Variants in MYO16 observed in about 807,000 individuals in gnomAD.
MYO16 encodes the protein myosin XVI, also known as unconventional myosin-XVI.
Under a neutral mutation model 205.3 loss-of-function variants are expected in MYO16, and 94 were observed. The observed-to-expected ratio is 0.46, with a 90% CI of 0.39 to 0.54. The LOEUF (loss-of-function observed/expected upper bound fraction) is 0.54. Ranked by LOEUF, MYO16 falls within the 20% of genes least tolerant of loss-of-function variation. The pLI is 0.00. For synonymous variants in MYO16, 988 were observed against 954.0 expected (o/e 1.04, Z -0.66); for missense variants, 2,315 against 2,387.5 (o/e 0.97, Z 0.63).
At chr13:108,765,299 AT>A (rs1201275800) in intron 4 of MYO16, among the ~76,000 whole-genome samples, 3 of 152,082 alleles carry the variant, frequency 2.0e-5, no homozygotes, top group African/African-American at 7.2e-5. Context: ...TTTTATATAC[AT>A]TTTTACTACT....
the MYO16 span, among the ~76,000 whole-genome samples, chr13:108,504,166 G>A: frequency 6.6e-6 from 1 of 152,196 alleles, no homozygotes; most frequent in East Asian, 1.9e-4. Context: ...CTATCACCCA[G>A]ACTGGAGTGC....
intron 6 of MYO16, among the ~76,000 whole-genome samples, chr13:108,794,196 G>A (rs1886710337): frequency 7.9e-6 from 1 of 126,634 alleles, no homozygotes; most frequent in African/African-American, 2.9e-5. Flanking sequence ...TGGGAGGAGG[G>A]TGAGAATGAC....
chr13:108,833,752 A>G (rs1230127423), intron 9 of MYO16, among the ~76,000 whole-genome samples: 1 of 152,208 alleles, frequency 6.6e-6, no homozygotes, highest in Non-Finnish European at 1.5e-5. Flanking sequence ...CAAAATAAGT[A>G]AGTCTGGCAT....
At chr13:108,855,740 A>T (rs1249167923) in intron 11 of MYO16, among the ~76,000 whole-genome samples, 187 bp downstream of exon 11, 2 of 152,234 alleles carry the variant, frequency 1.3e-5, no homozygotes, top group Admixed American at 1.3e-4. Context: ...AATTCAGCAC[A>T]GTTCCAAATT....
chr13:108,991,214 A>G (rs1329696851), intron 20 of MYO16, among the ~76,000 whole-genome samples: 2 of 152,090 alleles, frequency 1.3e-5, no homozygotes, highest in East Asian at 1.9e-4. Context: ...CCTGCCTTCC[A>G]TGTAACCCTC....
chr13:108,639,764 C>A (rs1880418065), intron 1 of MYO16, among the ~76,000 whole-genome samples: 1 of 152,176 alleles, frequency 6.6e-6, no homozygotes, highest in Admixed American at 6.5e-5. Flanking sequence ...TAGGATGACC[C>A]ACATGGGTGA....
In MYO16 at chr13:109,024,060, ATATT is replaced by A. The variant is rs1388983707; in HGVS notation, c.2796+4156_2796+4159del. Among the ~76,000 whole-genome samples, 12 of 144,796 alleles carry A rather than the reference ATATT, an allele frequency of 8.3e-5. No homozygotes were observed. In the South Asian group the frequency reaches 1.1e-3, roughly 13 times the overall value. The allele number at this position is 144,796 out of a possible 152,430, so 95.0% of individuals were successfully genotyped here. A position where few individuals can be genotyped will look rare whatever the true frequency, so the allele number is the denominator to read the frequency against. Reference sequence around the variant, plus strand: ...TTTATATTTATATATAAATTCTCATATATTTATTTAAATATAAATTTATATACAT... The same window carrying A: ...TTTATATTTATATATAAATTCTCATATATTTAAATATAAATTTATATACAT... On this transcript the variant is annotated intron_variant, in intron 23 of 34. Coordinates refer to ENST00000457511, the MANE Select transcript of MYO16 (RefSeq NM_001198950.3).
At chr13:108,530,884 G>A in the MYO16 span, among the ~76,000 whole-genome samples, 547 of 151,914 alleles carry the variant, frequency 3.6e-3, 1 homozygote, top group African/African-American at 5.8e-3. Flanking sequence ...CAACTCTATC[G>A]TGAGAAATCT....
At chr13:108,843,023 G>T (rs1411836033) in intron 9 of MYO16, among the ~76,000 whole-genome samples, 1 of 152,036 alleles carries the variant, frequency 6.6e-6, no homozygotes, top group Non-Finnish European at 1.5e-5. Context: ...ACATGATCTT[G>T]CTTATGTGTG....
intron 1 of MYO16, among the ~76,000 whole-genome samples, chr13:108,647,279 C>T (rs1880796147): frequency 6.6e-6 from 1 of 151,638 alleles, no homozygotes; most frequent in African/African-American, 2.4e-5. Flanking sequence ...CTAACTTTCA[C>T]CCAGAATTAG....
At chr13:108,829,377 A>G (rs1182509918) in intron 9 of MYO16, among the ~76,000 whole-genome samples, 1 of 152,262 alleles carries the variant, frequency 6.6e-6, no homozygotes, top group African/African-American at 2.4e-5. Context: ...AAAAGCATCT[A>G]AAGAAGAATG....
the MYO16 span, among the ~76,000 whole-genome samples, chr13:108,568,545 T>G: frequency 6.6e-6 from 1 of 152,242 alleles, no homozygotes; most frequent in East Asian, 1.9e-4. Context: ...GTTGTCTGAT[T>G]GTTGAGTTGT....
the MYO16 span, among the ~76,000 whole-genome samples, chr13:108,531,999 G>T: frequency 6.6e-6 from 1 of 152,058 alleles, no homozygotes; most frequent in Non-Finnish European, 1.5e-5. Context: ...TTGAGGTTAG[G>T]GGTTCGAGAC....
intron 20 of MYO16, among the ~76,000 whole-genome samples, chr13:108,990,538 T>C (rs1049110418): frequency 7.2e-5 from 11 of 152,330 alleles, no homozygotes; most frequent in Non-Finnish European, 1.3e-4. Flanking sequence ...GCATTTGTTT[T>C]CTTATACCAT....
At chr13:109,173,181 A>C (rs573422619) in intron 33 of MYO16, among the ~76,000 whole-genome samples, 5 of 152,234 alleles carry the variant, frequency 3.3e-5, no homozygotes, top group Non-Finnish European at 7.3e-5. Flanking sequence ...TGCACCTGTC[A>C]CATGTAGGCA....
At chr13:109,115,944 A>G (rs1875655055) in intron 28 of MYO16, among the ~76,000 whole-genome samples, 1 of 139,580 alleles carries the variant, frequency 7.2e-6, no homozygotes, top group African/African-American at 2.7e-5. Flanking sequence ...CCAAACATTT[A>G]CTACAAGTAT....
At chr13:108,893,000 C>T (rs950691475) in intron 14 of MYO16, among the ~76,000 whole-genome samples, 1 of 152,144 alleles carries the variant, frequency 6.6e-6, no homozygotes, top group African/African-American at 2.4e-5. Context: ...GTGTTTTATT[C>T]ACTCCTCATG....
At chr13:109,167,745 A>G (rs771492621) in intron 33 of MYO16, among the ~76,000 whole-genome samples, 3 of 152,230 alleles carry the variant, frequency 2.0e-5, no homozygotes, top group Non-Finnish European at 2.9e-5. Context: ...AAGCAGTTAG[A>G]GGTAAAAATA....
At chr13:109,052,217 T>C in intron 24 of MYO16, 83 bp from the exon 25 acceptor site, 1 of 1,222,604 alleles carries the variant, frequency 8.2e-7, no homozygotes, top group Non-Finnish European at 1.2e-6. Context: ...TATCAGTGGC[T>C]AGAGCTCTTG....
Sources: gnomAD v4.1 joint callset for allele counts (sites outside exome capture counted in the v4.1 genomes callset) on GRCh38, gnomAD v4.1.1 for gene constraint, MANE v1.5 for transcripts, NCBI Gene and HGNC (gene_info 2026-07-23, HGNC 2026-07-21) for gene names.